The following PCDHGA2 variants were observed in gnomAD, a reference collection of about 807,000 sequenced individuals.
The protein encoded by PCDHGA2 is protocadherin gamma-A2.
In PCDHGA2, 40 loss-of-function variants were observed where a neutral mutation model predicts 59.2. The observed-to-expected ratio is 0.68, with a 90% CI of 0.52 to 0.88. The LOEUF (loss-of-function observed/expected upper bound fraction) is 0.88. Ranked by LOEUF, PCDHGA2 falls within the 40% of genes least tolerant of loss-of-function variation. The probability of loss-of-function intolerance (pLI) is 0.00; values close to 1 mark genes in which losing one functional copy is unlikely to be tolerated. For missense variants in PCDHGA2, 1,226 were observed against 1,204.0 expected, an observed-to-expected ratio of 1.02 and a Z score of -0.27; for synonymous variants, 560 against 526.0, an observed-to-expected ratio of 1.06 and a Z score of -0.89.
At position 141,485,682 on chromosome 5, in the gene PCDHGA2, A is replaced by T. The variant is rs779441999; in HGVS notation, c.2425-9125A>T. 6.2e-7 allele frequency: 1 copy of T among 1,613,958 alleles called. No individual in the cohort carries two copies. Among genetic ancestry groups the T allele is most frequent in the Non-Finnish European group, 8.5e-7 (1 of 1,179,972 alleles). On this transcript the variant is annotated intron_variant, in intron 1 of 3. Transcript: ENST00000394576. This position sits in a 1 kb window ranked among gnomAD's most constrained non-coding sequence, Gnocchi z 5.7. ...GTGGGGAGCAATTCGATTAGCAGCT[A>T]TAGGCTGAGCTCCAATGAACACTTT...
intron 1 of PCDHGA2, chr5:141,383,815 G>T (rs1221512502): frequency 1.2e-6 from 2 of 1,613,964 alleles, no homozygotes; most frequent in Non-Finnish European, 1.7e-6. Context: ...AACTTTAGAA[G>T]GATTAGATTA....
At chr5:141,413,202 G>T (rs768256888) in intron 1 of PCDHGA2, 19 of 1,612,062 alleles carry the variant, frequency 1.2e-5, no homozygotes, top group Non-Finnish European at 1.6e-5. Flanking sequence ...ATCGCTCAAA[G>T]GAATCAAAGG....
At chr5:141,395,105 G>A in intron 1 of PCDHGA2, 1 of 1,614,220 alleles carries the variant, frequency 6.2e-7, no homozygotes, top group East Asian at 2.2e-5. Context: ...CCGACTCGCG[G>A]AAGAGTCACC....
chr5:141,413,190 G>A (rs965319802), intron 1 of PCDHGA2: 11 of 1,607,556 alleles, frequency 6.8e-6, no homozygotes, highest in East Asian at 2.2e-5. Flanking sequence ...CCGCTCAAAG[G>A]AATCGCTCAA....
intron 1 of PCDHGA2, among the ~76,000 whole-genome samples, chr5:141,347,013 C>T (rs1757842887): frequency 6.6e-6 from 1 of 150,588 alleles, no homozygotes; most frequent in Non-Finnish European, 1.5e-5. Context: ...TCCTTCCTTC[C>T]TCTCTCTTTC....
Position 141,340,068 on chromosome 5 carries a change from T to C in PCDHGA2, c.1097T>C (p.Ile366Thr), listed in dbSNP as rs561135976. The change falls in exon 1 of 4, where the codon ATT becomes ACT. Residue 366 changes from isoleucine (I) to threonine (T), a missense_variant. Transcript: ENST00000394576. Reference protein sequence around the residue: ...VSEDSLPGTIIGLFNVHDRDS... With the variant: ...VSEDSLPGTITGLFNVHDRDS... ...GAAGACTCTCTTCCAGGAACCATAA[T>C]TGGGCTTTTTAATGTACATGATAGA... 2 of 1,613,984 alleles carry C rather than the reference T, an allele frequency of 1.2e-6. No individual in the cohort carries two copies. The highest frequency in any genetic ancestry group is 2.2e-5 in the East Asian group (1 of 44,892).
chr5:141,372,259 G>A (rs1229622208), intron 1 of PCDHGA2: 9 of 1,613,108 alleles, frequency 5.6e-6, no homozygotes, highest in Non-Finnish European at 7.6e-6. Context: ...CTGGGCCTGC[G>A]CACGGGTGAG....
At chr5:141,374,287 C>G in intron 1 of PCDHGA2, 1 of 1,613,992 alleles carries the variant, frequency 6.2e-7, no homozygotes, top group Non-Finnish European at 8.5e-7. Flanking sequence ...GCATCGTCTC[C>G]AGAGGTAGGA....
intron 1 of PCDHGA2, among the ~76,000 whole-genome samples, chr5:141,456,544 G>C (rs1020609068): frequency 6.6e-6 from 1 of 152,192 alleles, no homozygotes; most frequent in Non-Finnish European, 1.5e-5. Context: ...AGGGATTGTA[G>C]CCACTCGGGG....
chr5:141,381,233 C>T (rs978967101), intron 1 of PCDHGA2, among the ~76,000 whole-genome samples: 1 of 152,276 alleles, frequency 6.6e-6, no homozygotes, highest in African/African-American at 2.4e-5. Flanking sequence ...CCACCAACTA[C>T]TCTCCAGGAC....
intron 1 of PCDHGA2, chr5:141,366,496 A>T (rs1346215388): frequency 6.2e-7 from 1 of 1,614,218 alleles, no homozygotes; most frequent in East Asian, 2.2e-5. Context: ...GGCACAAGTC[A>T]CGCCTGCTTC....
At chr5:141,418,599 A>G in intron 1 of PCDHGA2, 1 of 1,614,054 alleles carries the variant, frequency 6.2e-7, no homozygotes, top group South Asian at 1.1e-5. Flanking sequence ...CAGGACGTGT[A>G]CAGGGTTAGC....
chr5:141,339,170 G>C lies in PCDHGA2; in HGVS notation c.199G>C (p.Val67Leu). ...LALAEQGVRIVSRGRSQLFAL... is the reference protein window; with the variant it reads ...LALAEQGVRILSRGRSQLFAL... ...ACTGGCAGAGCAGGGAGTCCGCATC[G>C]TCTCCAGAGGTAGGTCCCAGCTCTT... Residue 67 changes from valine to leucine, a missense_variant, in exon 1 of 4, where the codon GTC becomes CTC. By Grantham distance (32) the Val-to-Leu change is conservative. Transcript: ENST00000394576. 2.5e-6 allele frequency: 4 copies of C among 1,614,088 alleles called. No individual in the cohort carries two copies. Among genetic ancestry groups the C allele is most frequent in the Non-Finnish European group, 2.5e-6 (3 of 1,179,920 alleles).
Position 141,486,912 on chromosome 5 carries a change from T to C in PCDHGA2, c.2425-7895T>C. The stretch of plus-strand genomic sequence containing the variant: ...CCTGGTTCCTTATGTCCCCAAGCAC[T>C]GCCTCCATCAGTTGGTGCTGGCCAC... On this transcript the variant is annotated intron_variant, in intron 1 of 3. Coordinates refer to ENST00000394576, the MANE Select transcript of PCDHGA2 (RefSeq NM_018915.4). This position sits in a 1 kb window ranked among gnomAD's most constrained non-coding sequence, Gnocchi z 5.0. The C allele has an allele frequency of 1.2e-6, 2 of 1,614,246 alleles. No homozygotes were observed. Among genetic ancestry groups the C allele is most frequent in the Non-Finnish European group, 1.7e-6 (2 of 1,180,040 alleles).
intron 1 of PCDHGA2, chr5:141,415,797 C>G (rs940812419): frequency 3.9e-5 from 52 of 1,331,434 alleles, no homozygotes; most frequent in Non-Finnish European, 4.8e-5. Context: ...TTCACCTAGT[C>G]TCAATCAAGG....
Position 141,431,500 on chromosome 5 carries a change from C to T in PCDHGA2, c.2425-63307C>T, listed in dbSNP as rs903027252. On this transcript the variant is annotated intron_variant, in intron 1 of 3. Transcript: ENST00000394576. This position sits in a 1 kb window ranked among gnomAD's most constrained non-coding sequence, Gnocchi z 4.8. ...CACCAGCGTTTGCTCAGCCCGAGTACCGCGCGAGCGTTCCGGAGAATCTGG... is the reference window on the plus strand; with the variant it reads ...CACCAGCGTTTGCTCAGCCCGAGTATCGCGCGAGCGTTCCGGAGAATCTGG... The T allele has an allele frequency of 4.4e-5, 71 of 1,613,894 alleles. No individual in the cohort carries two copies. The highest frequency in any genetic ancestry group is 5.9e-5 in the Non-Finnish European group (70 of 1,180,050).
chr5:141,505,509 G>A (rs778054090), intron 3 of PCDHGA2, 28 bp downstream of exon 3: 1 of 1,613,940 alleles, frequency 6.2e-7, no homozygotes, highest in Non-Finnish European at 8.5e-7. Context: ...GTGTATGGAA[G>A]AGTGGGAGAC....
At chr5:141,471,185 A>G (rs58340688) in intron 1 of PCDHGA2, 16,257 of 151,174 alleles carry the variant, frequency 0.11, 890 homozygotes, top group South Asian at 0.15. Context: ...TAGTAGCTGG[A>G]ATTACAGGCA....
intron 1 of PCDHGA2, among the ~76,000 whole-genome samples, chr5:141,347,935 C>T (rs1758039809): frequency 6.6e-6 from 1 of 152,046 alleles, no homozygotes; most frequent in South Asian, 2.1e-4. Flanking sequence ...TTATTATGAG[C>T]CTTGGAGTGG....
Sources: allele counts gnomAD v4.1 joint callset (sites outside exome capture counted in the v4.1 genomes callset), GRCh38; gene constraint gnomAD v4.1.1; non-coding constraint Gnocchi (gnomAD v3.1); transcripts MANE v1.5; gene names NCBI Gene and HGNC (gene_info 2026-07-23, HGNC 2026-07-21).